PLD1: variants seen among roughly 807,000 people sequenced by gnomAD.
The protein encoded by PLD1 is phospholipase D1.
PLD1 carries 112 observed loss-of-function variants against 137.1 expected under a neutral mutation model. That is an observed-to-expected ratio of 0.82 (90% CI 0.70 to 0.96). The LOEUF (loss-of-function observed/expected upper bound fraction) is 0.96. Among genes scored for constraint, PLD1 ranks in the 40% least tolerant of loss-of-function variants. The pLI is 0.00. For synonymous variants in PLD1, 431 were observed against 454.7 expected, an observed-to-expected ratio of 0.95 and a Z score of 0.66; for missense variants, 1,321 against 1,342.0, an observed-to-expected ratio of 0.98 and a Z score of 0.24.
At chr3:171,788,415 A>T (rs562406865) in intron 1 of PLD1, among the ~76,000 whole-genome samples, 196 of 151,894 alleles carry the variant, frequency 1.3e-3, no homozygotes, top group African/African-American at 4.6e-3. Context: ...ATAGAAATAA[A>T]TTTTTCCTTA....
chr3:171,810,130 C>T (rs1724053748), intron 1 of PLD1, among the ~76,000 whole-genome samples: 1 of 152,260 alleles, frequency 6.6e-6, no homozygotes, highest in South Asian at 2.1e-4. Flanking sequence ...GCCTGCGCGG[C>T]TCTGCGCTCC....
intron 6 of PLD1, among the ~76,000 whole-genome samples, chr3:171,726,454 T>C (rs1187184009): frequency 2.0e-5 from 3 of 151,984 alleles, no homozygotes; most frequent in African/African-American, 7.3e-5. Flanking sequence ...GAGAAGCAAG[T>C]GATATTGGTG....
intron 23 of PLD1, among the ~76,000 whole-genome samples, chr3:171,620,756 A>C (rs1212171757): frequency 9.4e-5 from 13 of 138,280 alleles, no homozygotes; most frequent in African/African-American, 3.8e-4. Flanking sequence ...ATATATATAT[A>C]TATATATATA....
At chr3:171,638,805 G>C (rs1560169004) in intron 23 of PLD1, among the ~76,000 whole-genome samples, 1 of 152,084 alleles carries the variant, frequency 6.6e-6, no homozygotes, top group African/African-American at 2.4e-5. Flanking sequence ...GGGGTTTTCT[G>C]GATGAGATTA....
chr3:171,784,291 G>A (rs986182922), intron 1 of PLD1, among the ~76,000 whole-genome samples: 23 of 149,344 alleles, frequency 1.5e-4, no homozygotes, highest in Non-Finnish European at 3.0e-4. Flanking sequence ...AGGATTTGAA[G>A]AAACTAGTCT....
intron 21 of PLD1, among the ~76,000 whole-genome samples, chr3:171,646,562 A>C (rs1013297957): frequency 2.6e-5 from 4 of 151,894 alleles, no homozygotes; most frequent in Non-Finnish European, 5.9e-5. Flanking sequence ...TGGCAAACAT[A>C]GTTTGAGTTG....
At chr3:171,756,458 G>C (rs1248551942) in intron 1 of PLD1, among the ~76,000 whole-genome samples, 1 of 152,102 alleles carries the variant, frequency 6.6e-6, no homozygotes, top group African/African-American at 2.4e-5. Flanking sequence ...TGCCTTAATG[G>C]GACCACCAGA....
intron 1 of PLD1, among the ~76,000 whole-genome samples, chr3:171,802,189 G>A (rs1399915210): frequency 2.0e-5 from 3 of 152,210 alleles, no homozygotes; most frequent in African/African-American, 7.2e-5. Context: ...CAAGTAGTTA[G>A]TGAGCACCTA....
At chr3:171,722,943 A>T (rs530413649) in intron 8 of PLD1, among the ~76,000 whole-genome samples, 144 of 152,304 alleles carry the variant, frequency 9.5e-4, no homozygotes, top group Non-Finnish European at 1.7e-3. Context: ...ATAATGTGTA[A>T]TAATAACATC....
intron 21 of PLD1, among the ~76,000 whole-genome samples, chr3:171,654,527 A>C (rs1306898926): frequency 6.6e-6 from 1 of 152,194 alleles, no homozygotes; most frequent in Admixed American, 6.5e-5. Context: ...ATGCATGTCA[A>C]GTTTCCATGT....
chr3:171,617,669 AT>A (rs1733235885), intron 24 of PLD1, among the ~76,000 whole-genome samples: 1 of 152,184 alleles, frequency 6.6e-6, no homozygotes, highest in African/African-American at 2.4e-5. Context: ...AGAAAACTGG[AT>A]TTGGTCACAG....
At chr3:171,639,931 T>C (rs115447369) in intron 23 of PLD1, among the ~76,000 whole-genome samples, 1 of 149,110 alleles carries the variant, frequency 6.7e-6, no homozygotes, top group African/African-American at 2.5e-5. Flanking sequence ...AATTTGTCCA[T>C]CTATCTGGGC....
At chr3:171,720,896 G>T (rs1462630369) in intron 8 of PLD1, among the ~76,000 whole-genome samples, 1 of 152,092 alleles carries the variant, frequency 6.6e-6, no homozygotes, top group Non-Finnish European at 1.5e-5. Context: ...TTCTCATAAG[G>T]GTTAAATCCA....
At chr3:171,725,476 G>T (rs1718433653) in intron 7 of PLD1, among the ~76,000 whole-genome samples, 1 of 152,010 alleles carries the variant, frequency 6.6e-6, no homozygotes, top group African/African-American at 2.4e-5. Context: ...ACAAGAAAAA[G>T]CAATAACAAA....
intron 1 of PLD1, among the ~76,000 whole-genome samples, chr3:171,771,947 A>G (rs1227349396): frequency 6.6e-6 from 1 of 152,234 alleles, no homozygotes; most frequent in Non-Finnish European, 1.5e-5. Context: ...CACCACCTAC[A>G]TTTAGAATGG....
chr3:171,764,900 G>GA lies in PLD1; in HGVS notation c.-31-26819dup, dbSNP rs1271824079. 3.4e-3 allele frequency among the ~76,000 whole-genome samples: 81 copies of GA among 24,174 alleles called. 3 individuals carry two copies. The highest frequency in any genetic ancestry group is 5.0e-3 in the Non-Finnish European group (57 of 11,358). 15.9% of individuals were successfully genotyped at this position (24,174 alleles called of 152,430 possible). On this transcript the variant is annotated intron_variant, in intron 1 of 26. Coordinates refer to ENST00000351298, the MANE Select transcript of PLD1 (RefSeq NM_002662.5). ...GAAAGAAAGAAAGAAAGAAAGGAAG[G>GA]AAGGAAGGAAGGAAAGAAAGAAAGG...
At chr3:171,770,707 C>G (rs1722285185) in intron 1 of PLD1, among the ~76,000 whole-genome samples, 1 of 151,316 alleles carries the variant, frequency 6.6e-6, no homozygotes, top group African/African-American at 2.4e-5. Flanking sequence ...CATGGCAAAA[C>G]CTGGTCTCTA....
intron 1 of PLD1, among the ~76,000 whole-genome samples, chr3:171,759,186 T>A (rs1390000452): frequency 1.3e-5 from 2 of 152,094 alleles, no homozygotes. Context: ...AGGTTTATGG[T>A]TTTCTTTTTA....
intron 19 of PLD1, among the ~76,000 whole-genome samples, chr3:171,673,797 G>A (rs1713045119): frequency 1.3e-5 from 2 of 152,140 alleles, no homozygotes; most frequent in African/African-American, 4.8e-5. Context: ...CAATTCTTCT[G>A]ATGCCCATAT....
Sources: allele counts gnomAD v4.1 joint callset (sites outside exome capture counted in the v4.1 genomes callset), GRCh38; gene constraint gnomAD v4.1.1; transcripts MANE v1.5; gene names NCBI Gene and HGNC (gene_info 2026-07-23, HGNC 2026-07-21).